The following ADK variants were observed in gnomAD, a reference collection of about 807,000 sequenced individuals.
ADK encodes N6,N6-dimethyladenosine kinase.
A neutral mutation model predicts 44.7 loss-of-function variants in ADK; 24 were observed. The observed-to-expected ratio is 0.54, with a 90% CI of 0.39 to 0.76. The LOEUF (loss-of-function observed/expected upper bound fraction) is 0.76. Ranked by LOEUF, ADK falls within the 30% of genes least tolerant of loss-of-function variation. ADK has a pLI of 0.00. For missense variants in ADK, 321 were observed against 425.1 expected (o/e 0.76, Z 2.15); for synonymous variants, 128 against 142.6 (o/e 0.90, Z 0.73).
chr10:74,224,358 T>C (rs893348334), intron 2 of ADK, among the ~76,000 whole-genome samples, 180 bp from the exon 3 acceptor site: 2 of 152,036 alleles, frequency 1.3e-5, no homozygotes, highest in East Asian at 1.9e-4. Flanking sequence ...GTTCCTGGAG[T>C]GGTGTTCCTG....
intron 9 of ADK, among the ~76,000 whole-genome samples, chr10:74,620,101 A>G (rs1346537772): frequency 1.3e-5 from 2 of 152,138 alleles, no homozygotes; most frequent in African/African-American, 2.4e-5. Context: ...AACATTTATC[A>G]TTTCTTTGTA....
At chr10:74,433,649 T>A (rs1250673071) in intron 6 of ADK, among the ~76,000 whole-genome samples, 1 of 152,222 alleles carries the variant, frequency 6.6e-6, no homozygotes, top group Non-Finnish European at 1.5e-5. Flanking sequence ...GTGATTTTTT[T>A]ATTTTCAAAA....
intron 2 of ADK, among the ~76,000 whole-genome samples, chr10:74,204,156 C>G (rs1843506366): frequency 6.6e-6 from 1 of 151,888 alleles, no homozygotes; most frequent in Non-Finnish European, 1.5e-5. Flanking sequence ...AGGGTTTCAC[C>G]ATGTTGGTCA....
At chr10:74,301,419 C>A (rs1840027635) in intron 3 of ADK, among the ~76,000 whole-genome samples, 1 of 148,196 alleles carries the variant, frequency 6.7e-6, no homozygotes, top group South Asian at 2.1e-4. Context: ...GAGGCTAAGA[C>A]AGGAGAAACG....
At chr10:74,207,016 T>C (rs556307411) in intron 2 of ADK, among the ~76,000 whole-genome samples, 1 of 152,192 alleles carries the variant, frequency 6.6e-6, no homozygotes, top group African/African-American at 2.4e-5. Flanking sequence ...AGGTGCAGAG[T>C]GGCGTGGCAA....
At chr10:74,280,393 C>T (rs560210577) in intron 3 of ADK, among the ~76,000 whole-genome samples, 3 of 139,518 alleles carry the variant, frequency 2.2e-5, no homozygotes, top group Non-Finnish European at 4.7e-5. Flanking sequence ...TGAGCCACCG[C>T]GCCCGGCCTT....
intron 7 of ADK, among the ~76,000 whole-genome samples, chr10:74,579,409 A>G (rs368199581): frequency 2.0e-5 from 3 of 152,212 alleles, no homozygotes; most frequent in South Asian, 4.1e-4. Flanking sequence ...TCCACACTGA[A>G]CTTCTGCTGG....
chr10:74,391,663 A>G (rs560111635), intron 4 of ADK, among the ~76,000 whole-genome samples: 28 of 148,796 alleles, frequency 1.9e-4, no homozygotes, highest in Admixed American at 1.8e-3. Context: ...ACACACACAC[A>G]CACACACACA....
chr10:74,280,419 C>CACAA (rs937912228), intron 3 of ADK, among the ~76,000 whole-genome samples: 3 of 151,192 alleles, frequency 2.0e-5, no homozygotes, highest in Admixed American at 2.0e-4. Flanking sequence ...AGTTTAAACA[C>CACAA]ACACACACAC....
chr10:74,378,555 A>G (rs879657022), intron 4 of ADK, among the ~76,000 whole-genome samples: 5 of 152,176 alleles, frequency 3.3e-5, no homozygotes, highest in Admixed American at 3.3e-4. Flanking sequence ...ATTTCTTTAC[A>G]TTGATCTTTT....
At chr10:74,222,960 A>G (rs1237075302) in intron 2 of ADK, among the ~76,000 whole-genome samples, 1 of 152,180 alleles carries the variant, frequency 6.6e-6, no homozygotes, top group Non-Finnish European at 1.5e-5. Flanking sequence ...ATGCATACAT[A>G]TGCAACTAAC....
At chr10:74,701,314 AGT>A (rs139941280) in intron 10 of ADK, among the ~76,000 whole-genome samples, 2 of 151,874 alleles carry the variant, frequency 1.3e-5, no homozygotes, top group Non-Finnish European at 1.5e-5. Context: ...TATGGATGTA[AGT>A]GTGTGTGTGT....
chr10:74,429,476 T>C (rs1844907202), intron 6 of ADK, among the ~76,000 whole-genome samples: 1 of 152,200 alleles, frequency 6.6e-6, no homozygotes, highest in Admixed American at 6.5e-5. Context: ...TGCAGACACT[T>C]GCATATTCTT....
intron 3 of ADK, among the ~76,000 whole-genome samples, chr10:74,288,038 A>G (rs973399198): frequency 2.0e-5 from 3 of 151,934 alleles, no homozygotes; most frequent in African/African-American, 4.8e-5. Context: ...TTTACTTAGA[A>G]CCTTTCAAAT....
intron 9 of ADK, among the ~76,000 whole-genome samples, chr10:74,653,773 CAGTTT>C (rs1173378524): frequency 6.6e-6 from 1 of 152,120 alleles, no homozygotes; most frequent in African/African-American, 2.4e-5. Context: ...TCTGTGAATC[CAGTTT>C]AGTTTATTGG....
At chr10:74,519,253 G>A (rs1474622083) in intron 6 of ADK, among the ~76,000 whole-genome samples, 1 of 151,776 alleles carries the variant, frequency 6.6e-6, no homozygotes, top group African/African-American at 2.4e-5. Context: ...ATAAAATGTA[G>A]TCCTACCAAA....
intron 3 of ADK, among the ~76,000 whole-genome samples, chr10:74,296,921 A>G (rs1481066322): frequency 1.3e-5 from 2 of 151,970 alleles, no homozygotes; most frequent in Non-Finnish European, 2.9e-5. Flanking sequence ...GCCCTTAAGT[A>G]TTCTTTAATT....
chr10:74,188,160 G>T (rs990496144), intron 1 of ADK, among the ~76,000 whole-genome samples: 7 of 151,992 alleles, frequency 4.6e-5, no homozygotes, highest in Non-Finnish European at 7.4e-5. Flanking sequence ...TTGTTATAAA[G>T]TTCATAAAAT....
At chr10:74,376,183 C>T (rs1365198407) in intron 4 of ADK, among the ~76,000 whole-genome samples, 1 of 152,000 alleles carries the variant, frequency 6.6e-6, no homozygotes, top group East Asian at 1.9e-4. Context: ...TGGTAGTAAA[C>T]TGCTCCCTTA....
Sources: allele counts gnomAD v4.1 joint callset (sites outside exome capture counted in the v4.1 genomes callset), GRCh38; gene constraint gnomAD v4.1.1; transcripts MANE v1.5; gene names NCBI Gene and HGNC (gene_info 2026-07-23, HGNC 2026-07-21).